CASD1: variants seen among roughly 807,000 people sequenced by gnomAD.
CASD1 encodes N-acetylneuraminate (7)9-O-acetyltransferase.
Under a neutral mutation model 100.0 loss-of-function variants are expected in CASD1, and 41 were observed. That is an observed-to-expected ratio of 0.41 (90% CI 0.32 to 0.53). The LOEUF is 0.53. Among genes scored for constraint, CASD1 ranks in the 20% least tolerant of loss-of-function variants. The pLI is 0.25. For missense variants in CASD1, 774 were observed against 948.7 expected (o/e 0.82, Z 2.42); for synonymous variants, 321 against 315.6 (o/e 1.02, Z -0.18).
chr7:94,593,896 A>G, the CASD1 span, among the ~76,000 whole-genome samples: 1 of 152,108 alleles, frequency 6.6e-6, no homozygotes, highest in African/African-American at 2.4e-5. Flanking sequence ...TTGATTATTA[A>G]GCCAGGAATT....
chr7:94,528,842 C>A (rs540158555), intron 5 of CASD1, among the ~76,000 whole-genome samples: 9 of 152,070 alleles, frequency 5.9e-5, no homozygotes, highest in Non-Finnish European at 1.3e-4. Context: ...TTTAATTAAA[C>A]CTGTATTCTT....
At chr7:94,547,026 A>G (rs1208314056) in intron 12 of CASD1, 70 bp from the exon 13 acceptor site, 15 of 936,074 alleles carry the variant, frequency 1.6e-5, no homozygotes, top group East Asian at 2.7e-5. Flanking sequence ...ACATATATCA[A>G]ATAGAGAGTA....
chr7:94,580,258 C>T, the CASD1 span, among the ~76,000 whole-genome samples: 1 of 152,134 alleles, frequency 6.6e-6, no homozygotes, highest in African/African-American at 2.4e-5. Flanking sequence ...TTATTTTTCT[C>T]CTTTAAGTTC....
chr7:94,589,430 A>C, the CASD1 span: 1 of 153,314 alleles, frequency 6.5e-6, no homozygotes, highest in South Asian at 2.0e-4. Context: ...TTGTTTCCTC[A>C]TTTACATTCT....
At chr7:94,549,753 C>A (rs7805309) in intron 14 of CASD1, 119 bp downstream of exon 14, 411,325 of 710,696 alleles carry the variant, frequency 0.58, 122,229 homozygotes, top group East Asian at 0.74. Context: ...TTTAGTAAAT[C>A]AAAGCAGTCC....
At chr7:94,529,641 G>A (rs1326398857) in intron 5 of CASD1, among the ~76,000 whole-genome samples, 1 of 152,036 alleles carries the variant, frequency 6.6e-6, no homozygotes, top group African/African-American at 2.4e-5. Flanking sequence ...TGCCAGCTTT[G>A]TGCTGAGTAA....
At chr7:94,600,599 T>C in the CASD1 span, 1 of 1,382,640 alleles carries the variant, frequency 7.2e-7, no homozygotes, top group East Asian at 2.3e-5. Flanking sequence ...TCTATGTTGT[T>C]ATCTTAGCAG....
chr7:94,616,647 A>AT, the CASD1 span, among the ~76,000 whole-genome samples: 3 of 152,122 alleles, frequency 2.0e-5, no homozygotes, highest in Non-Finnish European at 2.9e-5. Context: ...TAAGCATTGG[A>AT]TTTTTTTTCT....
the CASD1 span, among the ~76,000 whole-genome samples, chr7:94,571,051 T>TTTTTTTC: frequency 6.6e-6 from 1 of 151,372 alleles, no homozygotes; most frequent in African/African-American, 2.4e-5. Flanking sequence ...TTTTTTTTTT[T>TTTTTTTC]TTTTTCTTTT....
chr7:94,616,314 A>G, the CASD1 span, among the ~76,000 whole-genome samples: 5 of 149,390 alleles, frequency 3.3e-5, no homozygotes, highest in African/African-American at 1.3e-4. Flanking sequence ...TGTGGCTGAC[A>G]TGTGTAATAA....
chr7:94,545,529 T>C lies in CASD1; in HGVS notation c.1477-16T>C, dbSNP rs924641609. 1.9e-6 allele frequency: 3 copies of C among 1,587,260 alleles called. No individual in the cohort carries two copies. The highest frequency in any genetic ancestry group is 2.6e-6 in the Non-Finnish European group (3 of 1,161,096). ...AATTACTTAGAATGAAACCATTTTCTTCTCCTTTTCAATAGGTTTTATTTC... is the reference window on the plus strand; with the variant it reads ...AATTACTTAGAATGAAACCATTTTCCTCTCCTTTTCAATAGGTTTTATTTC... On this transcript the variant is annotated splice_polypyrimidine_tract_variant and intron_variant, in intron 11 of 17. Coordinates refer to ENST00000297273, the MANE Select transcript of CASD1 (RefSeq NM_022900.5).
chr7:94,535,305 G>A lies in CASD1; in HGVS notation c.629-4G>A, dbSNP rs746877572. On this transcript the variant is annotated splice_polypyrimidine_tract_variant and splice_region_variant and intron_variant, in intron 7 of 17. Coordinates refer to ENST00000297273, the MANE Select transcript of CASD1 (RefSeq NM_022900.5). Reference sequence around the variant, plus strand: ...GTGTTTTTAAAAATGTGTCTCACGTGCAGATCCTGTTTATGAAGATCTATT... The same window carrying A: ...GTGTTTTTAAAAATGTGTCTCACGTACAGATCCTGTTTATGAAGATCTATT... 37 of 1,602,978 alleles carry A rather than the reference G, an allele frequency of 2.3e-5. No homozygotes were observed. The East Asian group carries it at 8.3e-4, about 36-fold the overall frequency.
Position 94,544,514 on chromosome 7 carries a change from T to A in CASD1, c.1460T>A (p.Ile487Asn). 3 of 1,612,892 alleles carry A rather than the reference T, an allele frequency of 1.9e-6. No individual in the cohort carries two copies. The highest frequency in any genetic ancestry group is 2.5e-6 in the Non-Finnish European group (3 of 1,179,358). Reference protein sequence around the residue: ...SYFWIKGDFGIYRVCQVLFRL... With the variant: ...SYFWIKGDFGNYRVCQVLFRL... ...TTTTGGATAAAAGGAGATTTTGGAA[T>A]CTATAGAGTATGTCAGGTAGGAATG... The change falls in exon 11 of 18, where the codon ATC becomes AAC. Residue 487 changes from isoleucine (I) to asparagine (N), a missense_variant. Around this residue, in one of 5 missense-constraint regions of CASD1, gnomAD observed 453 missense variants for 532.6 expected, o/e 0.85. Transcript: ENST00000297273.
intron 12 of CASD1, among the ~76,000 whole-genome samples, 190 bp downstream of exon 12, chr7:94,545,891 A>G (rs1795653260): frequency 6.6e-6 from 1 of 152,078 alleles, no homozygotes; most frequent in East Asian, 1.9e-4. Context: ...TTAAAGTAAT[A>G]TAACAGTGGA....
At chr7:94,612,370 C>T in the CASD1 span, among the ~76,000 whole-genome samples, 1 of 152,062 alleles carries the variant, frequency 6.6e-6, no homozygotes, top group South Asian at 2.1e-4. Context: ...ATGTACCTTG[C>T]AGAATATTTT....
chr7:94,525,383 G>A (rs1490580442), intron 3 of CASD1, among the ~76,000 whole-genome samples: 3 of 152,164 alleles, frequency 2.0e-5, no homozygotes, highest in Non-Finnish European at 4.4e-5. Flanking sequence ...TTTGGGTGAA[G>A]CAGGGACTTA....
chr7:94,548,370 A>G (rs1428441772), intron 13 of CASD1, among the ~76,000 whole-genome samples: 3 of 151,806 alleles, frequency 2.0e-5, no homozygotes, highest in African/African-American at 7.2e-5. Context: ...TTACATATGT[A>G]TGATCCATAA....
chr7:94,510,021 G>T lies in CASD1; in HGVS notation c.-64G>T. On this transcript the variant is annotated 5_prime_UTR_variant, in exon 1 of 18. Coordinates refer to ENST00000297273, the MANE Select transcript of CASD1 (RefSeq NM_022900.5). The stretch of plus-strand genomic sequence containing the variant: ...CCTGGCTGCAGCGGCGGCAGCCCCA[G>T]TGCTGCCCCTGTGCGGCGCCCCTTT... 4 of 1,432,258 alleles carry T rather than the reference G, an allele frequency of 2.8e-6. No homozygotes were observed. The highest frequency in any genetic ancestry group is 3.0e-5 in the East Asian group (1 of 32,824). The allele number at this position is 1,432,258 out of a possible 1,614,324, so 88.7% of individuals were successfully genotyped here. A position where few individuals can be genotyped will look rare whatever the true frequency, so the allele number is the denominator to read the frequency against.
the CASD1 span, among the ~76,000 whole-genome samples, chr7:94,591,911 G>A: frequency 5.3e-5 from 8 of 152,150 alleles, no homozygotes; most frequent in African/African-American, 1.9e-4. Context: ...TCCATAGTGG[G>A]TGTTCTAAGT....
Sources: allele counts gnomAD v4.1 joint callset (sites outside exome capture counted in the v4.1 genomes callset), GRCh38; gene constraint gnomAD v4.1.1; regional missense constraint gnomAD v4.1.1; transcripts MANE v1.5; gene names NCBI Gene and HGNC (gene_info 2026-07-23, HGNC 2026-07-21).